ARSJ: variants seen among roughly 807,000 people sequenced by gnomAD.
ARSJ encodes arylsulfatase family member J, also known as arylsulfatase J.
ARSJ carries 26 observed loss-of-function variants against 35.9 expected under a neutral mutation model. That is an observed-to-expected ratio of 0.72 (90% CI 0.53 to 1.00). The LOEUF is 1.00. ARSJ is among the 50% of genes least tolerant of loss of function. ARSJ has a pLI of 0.00. For missense variants in ARSJ, 667 were observed against 723.6 expected (o/e 0.92, Z 0.90); for synonymous variants, 294 against 267.6 (o/e 1.10, Z -0.96).
intron 1 of ARSJ, among the ~76,000 whole-genome samples, chr4:113,933,237 C>T (rs1594440341): frequency 1.3e-5 from 2 of 151,720 alleles, no homozygotes; most frequent in Admixed American, 6.6e-5. Context: ...TAAGAAAAAC[C>T]CTCATGGCTT....
At chr4:113,947,675 A>T (rs897027704) in intron 1 of ARSJ, among the ~76,000 whole-genome samples, 3 of 152,052 alleles carry the variant, frequency 2.0e-5, no homozygotes, top group African/African-American at 7.2e-5. Flanking sequence ...TTTTATCTTC[A>T]TTGGGTAGAG....
chr4:113,959,267 T>C (rs1006034430), intron 1 of ARSJ, among the ~76,000 whole-genome samples: 1 of 152,028 alleles, frequency 6.6e-6, no homozygotes, highest in African/African-American at 2.4e-5. Context: ...AGTTCAGTGT[T>C]CTGTCCCATT....
chr4:113,929,327 T>A (rs1432528781), intron 1 of ARSJ, among the ~76,000 whole-genome samples: 1 of 152,042 alleles, frequency 6.6e-6, no homozygotes. Context: ...GGAGAATCAT[T>A]ATCTTTCCTG....
At chr4:113,922,135 CTG>C (rs1186333254) in intron 1 of ARSJ, among the ~76,000 whole-genome samples, 1 of 152,102 alleles carries the variant, frequency 6.6e-6, no homozygotes, top group Non-Finnish European at 1.5e-5. Context: ...GGAAATATCT[CTG>C]TCTCTAATTC....
At chr4:113,919,498 G>A (rs1339745734) in intron 1 of ARSJ, among the ~76,000 whole-genome samples, 2 of 152,164 alleles carry the variant, frequency 1.3e-5, no homozygotes, top group Admixed American at 6.5e-5. Flanking sequence ...TCAACTAACT[G>A]TTATTGTTGA....
At chr4:113,953,344 C>A (rs1235828954) in intron 1 of ARSJ, among the ~76,000 whole-genome samples, 2 of 152,068 alleles carry the variant, frequency 1.3e-5, no homozygotes, top group Non-Finnish European at 2.9e-5. Flanking sequence ...TTTCTGTAAT[C>A]AAATTTCATC....
intron 1 of ARSJ, among the ~76,000 whole-genome samples, chr4:113,917,056 A>G (rs182274673): frequency 6.6e-6 from 1 of 152,262 alleles, no homozygotes; most frequent in East Asian, 1.9e-4. Flanking sequence ...ATAACAGGTA[A>G]GTTTCCAAAA....
Position 113,903,543 on chromosome 4 carries a change from C to T in ARSJ, c.531G>A (p.Trp177Ter). 1 of 1,614,158 alleles carries T rather than the reference C, an allele frequency of 6.2e-7. No homozygotes were observed. Among genetic ancestry groups the T allele is most frequent in the Non-Finnish European group, 8.5e-7 (1 of 1,180,018 alleles). The change falls in exon 2 of 2, where the codon TGG becomes TGA. Residue 177 changes from tryptophan (W) to a stop codon, truncating the protein, a stop_gained. Transcript: ENST00000315366. LOFTEE classifies it high-confidence loss of function. ...VGYSTHMVGK[W>*]HLGFYRKECM... ...ATTCTTTTCTGTAAAAACCCAAGTGCCATTTTCCGACCATATGCGTTGAAT... is the reference window on the plus strand; with the variant it reads ...ATTCTTTTCTGTAAAAACCCAAGTGTCATTTTCCGACCATATGCGTTGAAT...
chr4:113,956,098 C>T lies in ARSJ; in HGVS notation c.398+22339G>A, dbSNP rs145484555. The stretch of plus-strand genomic sequence containing the variant: ...CCGAGTAGCTGGGACTAAAGACATG[C>T]ACCACCATGCCTGGCTAGTTTTTGT... On this transcript the variant is annotated intron_variant, in intron 1 of 1. Transcript: ENST00000315366. Among the ~76,000 whole-genome samples the T allele has an allele frequency of 2.9e-3, 434 of 152,128 alleles. 5 individuals carry two copies. The highest frequency in any genetic ancestry group is 9.7e-3 in the African/African-American group (403 of 41,520).
intron 1 of ARSJ, among the ~76,000 whole-genome samples, chr4:113,969,580 T>C (rs1281478204): frequency 1.3e-5 from 2 of 152,190 alleles, no homozygotes; most frequent in Non-Finnish European, 1.5e-5. Flanking sequence ...ATGAGTAGAA[T>C]AACTTTTAAG....
intron 1 of ARSJ, among the ~76,000 whole-genome samples, chr4:113,968,804 G>A (rs1428920919): frequency 6.6e-6 from 1 of 152,124 alleles, no homozygotes; most frequent in Non-Finnish European, 1.5e-5. Context: ...TCATGATTTC[G>A]ACTATTGTAG....
At chr4:113,974,462 C>T (rs1727470779) in intron 1 of ARSJ, among the ~76,000 whole-genome samples, 1 of 151,924 alleles carries the variant, frequency 6.6e-6, no homozygotes, top group African/African-American at 2.4e-5. Context: ...ATATAACTAC[C>T]ACAAATTAAT....
At chr4:113,907,262 A>AT (rs1042265958) in intron 1 of ARSJ, among the ~76,000 whole-genome samples, 1 of 152,222 alleles carries the variant, frequency 6.6e-6, no homozygotes, top group African/African-American at 2.4e-5. Flanking sequence ...TTTGAGAATG[A>AT]TTTTTTTAAA....
chr4:113,971,809 CT>C (rs757129873), intron 1 of ARSJ, among the ~76,000 whole-genome samples: 15 of 152,230 alleles, frequency 9.9e-5, no homozygotes, highest in African/African-American at 2.6e-4. Flanking sequence ...ATGTAACATG[CT>C]GCTTAAAACT....
At chr4:113,922,659 A>G (rs984348774) in intron 1 of ARSJ, among the ~76,000 whole-genome samples, 1 of 152,206 alleles carries the variant, frequency 6.6e-6, no homozygotes, top group Admixed American at 6.6e-5. Context: ...GATAGCATCA[A>G]AAAGATTTAC....
intron 1 of ARSJ, among the ~76,000 whole-genome samples, chr4:113,929,784 A>G (rs1401715766): frequency 6.6e-6 from 1 of 151,950 alleles, no homozygotes; most frequent in African/African-American, 2.4e-5. Flanking sequence ...TTAGTTCATC[A>G]TTTTCTTTCA....
At chr4:113,924,337 G>A (rs1194920514) in intron 1 of ARSJ, among the ~76,000 whole-genome samples, 5 of 151,598 alleles carry the variant, frequency 3.3e-5, no homozygotes, top group African/African-American at 9.7e-5. Context: ...CTTTATATTC[G>A]GTGGCAGGTG....
chr4:113,928,022 G>T (rs535178098), intron 1 of ARSJ, among the ~76,000 whole-genome samples: 6 of 152,060 alleles, frequency 3.9e-5, no homozygotes, highest in Non-Finnish European at 5.9e-5. Context: ...ATGCATTCTG[G>T]CGCTGGGGAA....
chr4:113,924,102 T>A (rs10006019), intron 1 of ARSJ, among the ~76,000 whole-genome samples: 95,581 of 129,190 alleles, frequency 0.74, 35,812 homozygotes, highest in East Asian at 0.85. Flanking sequence ...TATATATATA[T>A]ATATATATAT....
Sources: allele counts gnomAD v4.1 joint callset (sites outside exome capture counted in the v4.1 genomes callset), GRCh38; gene constraint gnomAD v4.1.1; transcripts MANE v1.5; gene names NCBI Gene and HGNC (gene_info 2026-07-23, HGNC 2026-07-21).